The following TBC1D1 variants were observed in gnomAD, a reference collection of about 807,000 sequenced individuals.
The protein encoded by TBC1D1 is TBC1 (tre-2/USP6, BUB2, cdc16) domain family, member 1.
A neutral mutation model predicts 125.6 loss-of-function variants in TBC1D1; 89 were observed. The observed-to-expected ratio is 0.71, with a 90% CI of 0.60 to 0.85. The LOEUF is 0.85. Among genes scored for constraint, TBC1D1 ranks in the 40% least tolerant of loss-of-function variants. TBC1D1 has a pLI of 0.00. For synonymous variants in TBC1D1, 565 were observed against 564.1 expected, an observed-to-expected ratio of 1.00 and a Z score of -0.02; for missense variants, 1,377 against 1,469.2, an observed-to-expected ratio of 0.94 and a Z score of 1.03.
intron 19 of TBC1D1, 39 bp downstream of exon 21, chr4:38,133,296 T>C (rs1765908922): frequency 1.9e-6 from 3 of 1,584,182 alleles, no homozygotes; most frequent in East Asian, 4.5e-5. Context: ...GAATCACAAA[T>C]ATATGGTAGT....
chr4:38,038,853 G>C (rs1747730778), intron 8 of TBC1D1, among the ~76,000 whole-genome samples: 1 of 151,712 alleles, frequency 6.6e-6, no homozygotes, highest in Non-Finnish European at 1.5e-5. Context: ...GGCTGAGGCA[G>C]GAGAATGGCA....
At chr4:37,991,310 G>C (rs1045315089) in intron 2 of TBC1D1, among the ~76,000 whole-genome samples, 14 of 152,178 alleles carry the variant, frequency 9.2e-5, no homozygotes, top group Non-Finnish European at 1.3e-4. Context: ...GATTTGGCTT[G>C]GGTGTGGGTG....
chr4:38,137,342 T>C lies in TBC1D1; in HGVS notation c.*7T>C, dbSNP rs769960000. On this transcript the variant is annotated 3_prime_UTR_variant, in exon 20 of 20. Transcript: ENST00000261439. Reference sequence around the variant, plus strand: ...CGAGCCCACGGGCGACTGACAGCTCTGCAGGAGAGATTGCAACACCATCCC... The same window carrying C: ...CGAGCCCACGGGCGACTGACAGCTCCGCAGGAGAGATTGCAACACCATCCC... 15 of 1,608,902 alleles carry C rather than the reference T, an allele frequency of 9.3e-6. No homozygotes were observed. The South Asian group carries it at 1.7e-4, about 18-fold the overall frequency.
intron 12 of TBC1D1, among the ~76,000 whole-genome samples, chr4:38,073,275 C>G (rs920718808): frequency 6.6e-6 from 1 of 152,254 alleles, no homozygotes; most frequent in Non-Finnish European, 1.5e-5. Flanking sequence ...CTCACCCACA[C>G]TTGTAATCTT....
chr4:38,038,774 C>T (rs1171477625), intron 8 of TBC1D1, among the ~76,000 whole-genome samples: 1 of 152,008 alleles, frequency 6.6e-6, no homozygotes, highest in Non-Finnish European at 1.5e-5. Context: ...AGTGAAAGCT[C>T]GTCTCCACTA....
At chr4:37,959,097 A>G (rs1729464558) in intron 2 of TBC1D1, among the ~76,000 whole-genome samples, 1 of 152,182 alleles carries the variant, frequency 6.6e-6, no homozygotes, top group African/African-American at 2.4e-5. Flanking sequence ...ATACCTTTGA[A>G]TGGCCCTTTG....
At chr4:38,009,707 A>G (rs1032773602) in intron 2 of TBC1D1, among the ~76,000 whole-genome samples, 2 of 152,264 alleles carry the variant, frequency 1.3e-5, no homozygotes, top group African/African-American at 2.4e-5. Context: ...ATTTGTTAGT[A>G]TGTGAACAAA....
chr4:38,035,923 A>G (rs909167213), intron 8 of TBC1D1, among the ~76,000 whole-genome samples: 3 of 152,224 alleles, frequency 2.0e-5, no homozygotes, highest in Non-Finnish European at 2.9e-5. Context: ...AGTTGCTCTA[A>G]TAAGAGGACT....
intron 6 of TBC1D1, among the ~76,000 whole-genome samples, chr4:38,025,252 T>A (rs1431664501): frequency 6.6e-6 from 1 of 152,248 alleles, no homozygotes; most frequent in African/African-American, 2.4e-5. Context: ...ACTCTCTTGA[T>A]GCTGGTTACC....
intron 12 of TBC1D1, among the ~76,000 whole-genome samples, chr4:38,068,627 A>G (rs541894145): frequency 6.6e-6 from 1 of 152,318 alleles, no homozygotes; most frequent in Admixed American, 6.5e-5. Flanking sequence ...ACAGTAACCA[A>G]CAGCCACATA....
intron 2 of TBC1D1, among the ~76,000 whole-genome samples, chr4:37,969,194 A>T (rs1404707077): frequency 6.6e-6 from 1 of 152,146 alleles, no homozygotes; most frequent in Non-Finnish European, 1.5e-5. Context: ...CCAGCCCATC[A>T]TTTGTTTTAC....
At chr4:38,107,035 T>G (rs1409291254) in intron 15 of TBC1D1, among the ~76,000 whole-genome samples, 1 of 150,810 alleles carries the variant, frequency 6.6e-6, no homozygotes, top group Non-Finnish European at 1.5e-5. Flanking sequence ...TTTCCCATCC[T>G]CGCCTGGCCT....
Position 38,018,391 on chromosome 4 carries a change from C to T in TBC1D1, c.920C>T (p.Thr307Ile). The change falls in exon 4 of 20, where the codon ACC (threonine) becomes ATC (isoleucine). Residue 307 changes from threonine (T) to isoleucine (I), a missense_variant. Thr to Ile is a moderately conservative substitution (Grantham distance 89). Around this residue, in one of 3 missense-constraint regions of TBC1D1, gnomAD observed 822 missense variants for 824.6 expected, o/e 1.00. Coordinates refer to ENST00000261439, the MANE Select transcript of TBC1D1 (RefSeq NM_015173.4). ...GAAGTTTACCTCATCAGTCCTGACACCAAAAAAATAGCATTGGAGAAAAAT... is the reference window on the plus strand; with the variant it reads ...GAAGTTTACCTCATCAGTCCTGACATCAAAAAAATAGCATTGGAGAAAAAT... 1 of 1,611,014 alleles carries T rather than the reference C, an allele frequency of 6.2e-7. No individual in the cohort carries two copies. The highest frequency in any genetic ancestry group is 8.5e-7 in the Non-Finnish European group (1 of 1,178,922).
chr4:38,088,939 A>G (rs1299413523), intron 12 of TBC1D1, among the ~76,000 whole-genome samples: 1 of 152,292 alleles, frequency 6.6e-6, no homozygotes, highest in Non-Finnish European at 1.5e-5. Context: ...TATAATTTCA[A>G]TTCTTGCTTT....
At chr4:37,961,785 TAAGAACCATCA>T (rs1730110466) in intron 2 of TBC1D1, among the ~76,000 whole-genome samples, 1 of 152,192 alleles carries the variant, frequency 6.6e-6, no homozygotes, top group Non-Finnish European at 1.5e-5. Flanking sequence ...TGTGGCTATT[TAAGAACCATCA>T]AAGGCCATGA....
At chr4:38,095,831 TGAC>T (rs1759224248) in intron 13 of TBC1D1, 95 bp from the exon 16 acceptor site, 10 of 1,288,824 alleles carry the variant, frequency 7.8e-6, no homozygotes, top group Non-Finnish European at 1.1e-5. Context: ...TGTAACTGCT[TGAC>T]GTCTCAGCGG....
chr4:37,916,560 C>G (rs1276386825), intron 2 of TBC1D1, among the ~76,000 whole-genome samples: 1 of 152,100 alleles, frequency 6.6e-6, no homozygotes, highest in Non-Finnish European at 1.5e-5. Context: ...GACAGCACAG[C>G]CAGGATGGGC....
chr4:38,119,941 T>TG, intron 17 of TBC1D1: 1 of 985,402 alleles, frequency 1.0e-6, no homozygotes, highest in South Asian at 4.7e-5. Flanking sequence ...CAGAAAGTTC[T>TG]GGGGCTCTGG....
chr4:37,961,580 A>G (rs1730069009), intron 2 of TBC1D1, among the ~76,000 whole-genome samples: 2 of 152,208 alleles, frequency 1.3e-5, no homozygotes, highest in African/African-American at 4.8e-5. Context: ...TGATAGAGTC[A>G]CAGATGTCTG....
Sources: allele counts gnomAD v4.1 joint callset (sites outside exome capture counted in the v4.1 genomes callset), GRCh38; gene constraint gnomAD v4.1.1; regional missense constraint gnomAD v4.1.1; transcripts MANE v1.5; gene names NCBI Gene and HGNC (gene_info 2026-07-23, HGNC 2026-07-21).